Variants in ATP6V0E1 observed in about 807,000 individuals in gnomAD.
The protein encoded by ATP6V0E1 is V-type proton ATPase subunit e 1.
ATP6V0E1 carries 4 observed loss-of-function variants against 11.6 expected under a neutral mutation model. The ratio of observed to expected loss-of-function variants is 0.35; its 90% CI spans 0.17 to 0.79. The LOEUF is 0.79. ATP6V0E1 is among the 30% of genes least tolerant of loss of function. The pLI is 0.54. For missense variants in ATP6V0E1, 105 were observed against 100.0 expected (o/e 1.05, Z -0.21); for synonymous variants, 36 against 34.8 (o/e 1.04, Z -0.13).
At chr5:173,002,457 G>A (rs191009201) in intron 2 of ATP6V0E1, among the ~76,000 whole-genome samples, 1 of 152,108 alleles carries the variant, frequency 6.6e-6, no homozygotes, top group East Asian at 1.9e-4. Flanking sequence ...GTTGCAGTCT[G>A]GTCTTTGTTA....
chr5:173,020,701 G>T (rs1374093780), intron 3 of ATP6V0E1: 2 of 519,680 alleles, frequency 3.8e-6, no homozygotes, highest in African/African-American at 3.8e-5. Flanking sequence ...AAAGTGGCTG[G>T]CAGATTTAAA....
At chr5:172,986,742 G>A (rs960920832) in intron 1 of ATP6V0E1, 7 of 449,980 alleles carry the variant, frequency 1.6e-5, no homozygotes, top group African/African-American at 1.2e-4. Flanking sequence ...AGGCCAAGGA[G>A]ATGGATGGGG....
At chr5:173,013,820 G>A (rs996777897) in intron 2 of ATP6V0E1, among the ~76,000 whole-genome samples, 1 of 152,116 alleles carries the variant, frequency 6.6e-6, no homozygotes, top group Admixed American at 6.5e-5. Flanking sequence ...AAACTACAAT[G>A]AGATATCATC....
Position 173,017,548 on chromosome 5 carries a change from A to G in ATP6V0E1, c.153-2690A>G, listed in dbSNP as rs6877304. 9.4e-3 allele frequency among the ~76,000 whole-genome samples: 1,281 copies of G among 136,110 alleles called. 20 individuals carry two copies. The highest frequency in any genetic ancestry group is 0.034 in the African/African-American group (1,222 of 35,866). 89.3% of individuals were successfully genotyped at this position (136,110 alleles called of 152,430 possible). A position where few individuals can be genotyped will look rare whatever the true frequency, so the allele number is the denominator to read the frequency against. On this transcript the variant is annotated intron_variant, in intron 2 of 3. Transcript: ENST00000519374. The stretch of plus-strand genomic sequence containing the variant: ...AGACTTCGTCTAAAAAAAAAAAAAA[A>G]AAAGCGATTCCTGGCCGGCTGCAGT...
At chr5:173,008,447 C>T (rs372266072) in intron 2 of ATP6V0E1, among the ~76,000 whole-genome samples, 7 of 150,646 alleles carry the variant, frequency 4.6e-5, no homozygotes, top group South Asian at 2.1e-4. Context: ...ACTACAGGTG[C>T]GTGCCACACT....
At chr5:173,029,124 C>T (rs549508218) in intron 3 of ATP6V0E1, among the ~76,000 whole-genome samples, 3 of 152,190 alleles carry the variant, frequency 2.0e-5, no homozygotes, top group South Asian at 4.1e-4. Flanking sequence ...CTATGCATTC[C>T]TAAAATACTT....
At chr5:173,014,008 T>TA (rs938290209) in intron 2 of ATP6V0E1, among the ~76,000 whole-genome samples, 4 of 151,402 alleles carry the variant, frequency 2.6e-5, no homozygotes, top group Non-Finnish European at 5.9e-5. Context: ...CACTAAGAAT[T>TA]AAAAAATTAG....
chr5:173,006,697 T>C (rs1033308550), intron 2 of ATP6V0E1, among the ~76,000 whole-genome samples: 7 of 152,194 alleles, frequency 4.6e-5, no homozygotes, highest in African/African-American at 1.7e-4. Flanking sequence ...GTGAGATCTG[T>C]AAACAGAAGC....
At chr5:173,003,995 G>A (rs1369319298) in intron 2 of ATP6V0E1, among the ~76,000 whole-genome samples, 1 of 152,160 alleles carries the variant, frequency 6.6e-6, no homozygotes, top group Non-Finnish European at 1.5e-5. Flanking sequence ...CTTTCCCCTA[G>A]TGAAGAATTA....
At position 173,034,388 on chromosome 5, in the gene ATP6V0E1, T is replaced by C. The variant is rs369522093; in HGVS notation, c.*37-11T>C. The C allele has an allele frequency of 1.4e-6, 1 of 702,912 alleles. No homozygotes were observed. The highest frequency in any genetic ancestry group is 2.7e-5 in the East Asian group (1 of 37,300). The allele number at this position is 702,912 out of a possible 1,614,324, so 43.5% of individuals were successfully genotyped here. A position where few individuals can be genotyped will look rare whatever the true frequency, so the allele number is the denominator to read the frequency against. ...ATGAGGACCAGTTACCAGAATGGTT[T>C]TGTTTTGCAGGTCACGAGAAGAGAA... On this transcript the variant is annotated splice_polypyrimidine_tract_variant and intron_variant, in intron 3 of 3. Transcript: ENST00000519374.
chr5:173,027,674 G>A (rs1241934689), intron 3 of ATP6V0E1, among the ~76,000 whole-genome samples: 1 of 151,970 alleles, frequency 6.6e-6, no homozygotes, highest in African/African-American at 2.4e-5. Flanking sequence ...AGCTGGTCTT[G>A]ATCTCCTGGC....
At chr5:173,002,121 C>G (rs1756166107) in intron 2 of ATP6V0E1, among the ~76,000 whole-genome samples, 1 of 152,222 alleles carries the variant, frequency 6.6e-6, no homozygotes, top group Non-Finnish European at 1.5e-5. Flanking sequence ...CTTTTCCTCT[C>G]CACCCCAGAT....
rs181871357 is a variant in ATP6V0E1 at position 173,001,235 on chromosome 5, C to G, written c.152+6413C>G. Reference sequence around the variant, plus strand: ...GTGAATAAACAAAGTAGACAACCCCCTGTCCTCTTTAATAAGGAGAAGCAG... The same window carrying G: ...GTGAATAAACAAAGTAGACAACCCCGTGTCCTCTTTAATAAGGAGAAGCAG... On this transcript the variant is annotated intron_variant, in intron 2 of 3. Transcript: ENST00000519374. Among the ~76,000 whole-genome samples, 752 of 152,202 alleles carry G rather than the reference C, an allele frequency of 4.9e-3. 7 individuals are homozygous for G. Among genetic ancestry groups the G allele is most frequent in the African/African-American group, 0.017 (715 of 41,540 alleles).
At chr5:173,030,552 T>C (rs934516424) in intron 3 of ATP6V0E1, among the ~76,000 whole-genome samples, 3 of 151,912 alleles carry the variant, frequency 2.0e-5, no homozygotes, top group Admixed American at 1.3e-4. Context: ...GTGATTCTCG[T>C]GCCTCAGCCT....
At chr5:172,991,458 A>T (rs774324635) in intron 1 of ATP6V0E1, among the ~76,000 whole-genome samples, 68 of 152,144 alleles carry the variant, frequency 4.5e-4, no homozygotes, top group Non-Finnish European at 7.5e-4. Flanking sequence ...GAAGACAGGG[A>T]AGAGATTCCA....
intron 3 of ATP6V0E1, among the ~76,000 whole-genome samples, chr5:173,033,150 G>A (rs908958787): frequency 6.6e-6 from 1 of 152,106 alleles, no homozygotes; most frequent in Non-Finnish European, 1.5e-5. Context: ...CCTAGGCTGG[G>A]GTGCAGAATG....
intron 2 of ATP6V0E1, among the ~76,000 whole-genome samples, chr5:173,002,268 A>G (rs1322517873): frequency 1.3e-5 from 2 of 152,248 alleles, no homozygotes; most frequent in African/African-American, 2.4e-5. Context: ...ATCCTATCAT[A>G]TTTAAATTTC....
chr5:172,993,742 A>G, intron 1 of ATP6V0E1, among the ~76,000 whole-genome samples: 1 of 129,382 alleles, frequency 7.7e-6, no homozygotes, highest in South Asian at 2.6e-4. Context: ...CTGGTTGTGT[A>G]CACCAGTAGT....
intron 2 of ATP6V0E1, 140 bp from the exon 3 acceptor site, chr5:173,020,098 T>G: frequency 1.5e-6 from 1 of 652,380 alleles, no homozygotes; most frequent in Non-Finnish European, 2.7e-6. Context: ...ATGCTGCTGT[T>G]AACACAATGT....
Sources: gnomAD v4.1 joint callset for allele counts (sites outside exome capture counted in the v4.1 genomes callset) on GRCh38, gnomAD v4.1.1 for gene constraint, MANE v1.5 for transcripts, NCBI Gene and HGNC (gene_info 2026-07-23, HGNC 2026-07-21) for gene names.